The following KCNB2 variants were observed in gnomAD, a reference collection of about 807,000 sequenced individuals.
The protein encoded by KCNB2 is potassium voltage-gated channel subfamily B member 2.
A neutral mutation model predicts 61.5 loss-of-function variants in KCNB2; 15 were observed. That is an observed-to-expected ratio of 0.24 (90% CI 0.16 to 0.38). KCNB2 has a LOEUF of 0.38. KCNB2 is among the 10% of genes least tolerant of loss of function. KCNB2 has a pLI of 1.00. For synonymous variants in KCNB2, 457 were observed against 446.0 expected, an observed-to-expected ratio of 1.02 and a Z score of -0.31; for missense variants, 828 against 1,125.2, an observed-to-expected ratio of 0.74 and a Z score of 3.78.
At chr8:72,655,818 ACTC>A (rs1806282467) in intron 2 of KCNB2, among the ~76,000 whole-genome samples, 1 of 152,026 alleles carries the variant, frequency 6.6e-6, no homozygotes, top group Non-Finnish European at 1.5e-5. Context: ...TCTACCTGAG[ACTC>A]AGTCTTTTCT....
intron 2 of KCNB2, among the ~76,000 whole-genome samples, chr8:72,748,624 T>TGAAATGAAAAGCCAAAAACCA (rs1808124995): frequency 6.6e-6 from 1 of 150,872 alleles, no homozygotes; most frequent in Non-Finnish European, 1.5e-5. Context: ...TTTTTTTTTT[T>TGAAATGAAAAGCCAAAAACCA]TGAAATTAAA....
chr8:72,680,219 A>G (rs1233034481), intron 2 of KCNB2, among the ~76,000 whole-genome samples: 3 of 152,214 alleles, frequency 2.0e-5, no homozygotes, highest in Non-Finnish European at 4.4e-5. Context: ...CCCTAAAGGA[A>G]GAGCTTACAA....
At chr8:72,596,167 T>C (rs1217224957) in intron 2 of KCNB2, among the ~76,000 whole-genome samples, 5 of 152,128 alleles carry the variant, frequency 3.3e-5, no homozygotes, top group Non-Finnish European at 5.9e-5. Flanking sequence ...GAAAGGAAGG[T>C]GAGTAAATGA....
intron 2 of KCNB2, among the ~76,000 whole-genome samples, chr8:72,816,286 T>G (rs565423250): frequency 2.6e-5 from 4 of 152,324 alleles, no homozygotes; most frequent in Admixed American, 1.3e-4. Flanking sequence ...ACCTGGGTCC[T>G]TTGCAACTCA....
intron 2 of KCNB2, among the ~76,000 whole-genome samples, chr8:72,708,052 G>A (rs1171787321): frequency 6.6e-6 from 1 of 152,150 alleles, no homozygotes; most frequent in Admixed American, 6.5e-5. Flanking sequence ...CTGGGGCCAT[G>A]GAGGCATCCA....
rs758013849 is a variant in KCNB2, at chr8:72,761,198, A to C, written c.580-174737A>C. On this transcript the variant is annotated intron_variant, in intron 2 of 2. Transcript: ENST00000523207. ...CAGAACAGAGGTGTACTCGGAGGAG[A>C]TGCTGCCCCACTCTCTACCCTGCAT... Among the ~76,000 whole-genome samples the C allele has an allele frequency of 3.6e-4, 55 of 152,084 alleles. 1 individual carries two copies. Among genetic ancestry groups the C allele is most frequent in the Non-Finnish European group, 1.2e-4 (8 of 68,008 alleles).
intron 2 of KCNB2, among the ~76,000 whole-genome samples, chr8:72,891,055 A>G (rs1472899546): frequency 6.6e-6 from 1 of 152,202 alleles, no homozygotes; most frequent in Non-Finnish European, 1.5e-5. Flanking sequence ...CACATAGTTC[A>G]ACAGCGGTAG....
intron 2 of KCNB2, among the ~76,000 whole-genome samples, chr8:72,661,891 A>G (rs967672791): frequency 1.3e-5 from 2 of 152,072 alleles, no homozygotes; most frequent in Non-Finnish European, 2.9e-5. Flanking sequence ...TCTTTTATTA[A>G]TGATCTCAGT....
chr8:72,539,577 T>C (rs1055946328), intron 1 of KCNB2, among the ~76,000 whole-genome samples: 1 of 152,200 alleles, frequency 6.6e-6, no homozygotes, highest in Non-Finnish European at 1.5e-5. Flanking sequence ...TCCCTCTCCA[T>C]GTTAGTGTTC....
intron 2 of KCNB2, among the ~76,000 whole-genome samples, chr8:72,872,710 T>C (rs1318078577): frequency 6.6e-6 from 1 of 152,192 alleles, no homozygotes; most frequent in Admixed American, 6.5e-5. Flanking sequence ...ACGAAGAGCA[T>C]GGAGTTAGAA....
chr8:72,591,869 A>G (rs143498761), intron 2 of KCNB2, among the ~76,000 whole-genome samples: 2,292 of 152,276 alleles, frequency 0.015, 47 homozygotes, highest in African/African-American at 0.053. Context: ...TTTTTCATTT[A>G]TAATGTTAGC....
chr8:72,836,818 G>T (rs7006486), intron 2 of KCNB2, among the ~76,000 whole-genome samples: 72,406 of 151,998 alleles, frequency 0.48, 18,197 homozygotes, highest in Middle Eastern at 0.58. Context: ...GGATGTGGTA[G>T]GAGAATCCTG....
intron 2 of KCNB2, among the ~76,000 whole-genome samples, chr8:72,708,714 GTT>G (rs1807275186): frequency 6.6e-6 from 1 of 152,176 alleles, no homozygotes; most frequent in African/African-American, 2.4e-5. Flanking sequence ...ATGCAGACTT[GTT>G]TTATGTCAGT....
chr8:72,831,413 A>T (rs1440900033), intron 2 of KCNB2, among the ~76,000 whole-genome samples: 2 of 152,264 alleles, frequency 1.3e-5, no homozygotes, highest in Non-Finnish European at 2.9e-5. Flanking sequence ...GATATGGGTT[A>T]TAAAAGATTA....
Position 72,725,557 on chromosome 8 carries a change from GTATATATGTA to G in KCNB2, c.579+157262_579+157271del, listed in dbSNP as rs1276884971. Among the ~76,000 whole-genome samples, 245 of 54,996 alleles carry G rather than the reference GTATATATGTA, an allele frequency of 4.5e-3. 4 individuals are homozygous for G. The highest frequency in any genetic ancestry group is 0.013 in the African/African-American group (222 of 16,560). 36.1% of individuals were successfully genotyped at this position (54,996 alleles called of 152,430 possible). On this transcript the variant is annotated intron_variant, in intron 2 of 2. Coordinates refer to ENST00000523207, the MANE Select transcript of KCNB2 (RefSeq NM_004770.3). The stretch of plus-strand genomic sequence containing the variant: ...TATATATATGTGTGTATATATATAT[GTATATATGTA>G]TATATATGTATATATATATGTATGT...
chr8:72,616,309 G>A (rs761255681), intron 2 of KCNB2, among the ~76,000 whole-genome samples: 1 of 152,178 alleles, frequency 6.6e-6, no homozygotes, highest in African/African-American at 2.4e-5. Flanking sequence ...GATTTTGATT[G>A]TGCAAGTGGC....
At chr8:72,914,103 G>A (rs147859028) in intron 2 of KCNB2, among the ~76,000 whole-genome samples, 94 of 152,292 alleles carry the variant, frequency 6.2e-4, no homozygotes, top group African/African-American at 2.2e-3. Context: ...TGTCTGGTGA[G>A]GGCTCATTTC....
chr8:72,787,205 G>A (rs62518155), intron 2 of KCNB2, among the ~76,000 whole-genome samples: 21,414 of 151,916 alleles, frequency 0.14, 1,823 homozygotes, highest in South Asian at 0.3. Context: ...GGTAAGCCTG[G>A]GCAACATAGA....
chr8:72,925,521 A>T (rs186833721), intron 2 of KCNB2, among the ~76,000 whole-genome samples: 80 of 152,326 alleles, frequency 5.3e-4, no homozygotes, highest in Non-Finnish European at 5.3e-4. Context: ...TAAAAGAGAA[A>T]TGTTTAAACA....
Sources: allele counts gnomAD v4.1 joint callset (sites outside exome capture counted in the v4.1 genomes callset), GRCh38; gene constraint gnomAD v4.1.1; transcripts MANE v1.5; gene names NCBI Gene and HGNC (gene_info 2026-07-23, HGNC 2026-07-21).